FAM184A: variants seen among roughly 807,000 people sequenced by gnomAD.
The protein encoded by FAM184A is protein FAM184A.
In FAM184A, 99 loss-of-function variants were observed where a neutral mutation model predicts 143.8. The ratio of observed to expected loss-of-function variants is 0.69; its 90% CI spans 0.58 to 0.81. The LOEUF (loss-of-function observed/expected upper bound fraction) is 0.81, where lower values mean the gene tolerates loss of function less well. Among genes scored for constraint, FAM184A ranks in the 40% least tolerant of loss-of-function variants. The pLI is 0.00. For synonymous variants in FAM184A, 427 were observed against 446.4 expected, an observed-to-expected ratio of 0.96 and a Z score of 0.55; for missense variants, 1,217 against 1,310.5, an observed-to-expected ratio of 0.93 and a Z score of 1.10.
chr6:119,092,616 G>A (rs1221073028), intron 1 of FAM184A, among the ~76,000 whole-genome samples: 1 of 152,116 alleles, frequency 6.6e-6, no homozygotes, highest in African/African-American at 2.4e-5. Flanking sequence ...CTCAGATCCT[G>A]TATCTAACAG....
At chr6:119,094,705 A>C (rs1788459151) in intron 1 of FAM184A, among the ~76,000 whole-genome samples, 1 of 152,102 alleles carries the variant, frequency 6.6e-6, no homozygotes, top group South Asian at 2.1e-4. Flanking sequence ...TTATTTGCAA[A>C]ATGACTCCAG....
At position 118,976,000 on chromosome 6, in the gene FAM184A, C is replaced by T. The variant is rs1332693664; in HGVS notation, c.2500G>A (p.Asp834Asn). The change falls in exon 12 of 18, where the codon GAT becomes AAT. Residue 834 changes from aspartate (D) to asparagine (N), a missense_variant. Asp to Asn is a conservative substitution (Grantham distance 23). Transcript: ENST00000338891. ...TGATGATGATTATGCCGTAACAAAT[C>T]AATTGCAGCTGCATGTTGATGGTTG... is the stretch of plus-strand genomic sequence containing the variant. Reference protein sequence around the residue: ...ELNHQHAAAIDLLRHNHHQEL... With the variant: ...ELNHQHAAAINLLRHNHHQEL... 2 of 1,613,140 alleles carry T rather than the reference C, an allele frequency of 1.2e-6. No individual in the cohort carries two copies. Among genetic ancestry groups the T allele is most frequent in the African/African-American group, 2.7e-5 (2 of 74,882 alleles).
At chr6:118,979,251 A>G (rs1236991701) in intron 11 of FAM184A, 114 bp downstream of exon 11, 1 of 971,332 alleles carries the variant, frequency 1.0e-6, no homozygotes, top group South Asian at 1.7e-5. Flanking sequence ...ACACTTAGAT[A>G]TTCATTTTGA....
rs201528290 is a variant in FAM184A at position 119,046,226 on chromosome 6, C to CT, written c.160-21414dup. ...TGTGGTCATGATAGAAAATGTATACCTTTTTTTTTTTTTTTGAGACAGAGT... is the reference window on the plus strand; with the variant it reads ...TGTGGTCATGATAGAAAATGTATACCTTTTTTTTTTTTTTTTGAGACAGAGT... On this transcript the variant is annotated intron_variant, in intron 1 of 17. Coordinates refer to ENST00000338891, the MANE Select transcript of FAM184A (RefSeq NM_024581.6). Among the ~76,000 whole-genome samples, 345 of 142,270 alleles carry CT rather than the reference C, an allele frequency of 2.4e-3. 1 individual carries two copies. Among genetic ancestry groups the CT allele is most frequent in the Middle Eastern group, 7.0e-3 (2 of 284 alleles). 93.3% of individuals were successfully genotyped at this position (142,270 alleles called of 152,430 possible).
intron 1 of FAM184A, among the ~76,000 whole-genome samples, chr6:119,050,060 A>C (rs1463669553): frequency 6.6e-6 from 1 of 152,162 alleles, no homozygotes; most frequent in African/African-American, 2.4e-5. Context: ...CATGCAGTGA[A>C]CCAGCATACG....
intron 1 of FAM184A, among the ~76,000 whole-genome samples, chr6:119,059,973 C>A (rs1382579554): frequency 6.6e-6 from 1 of 152,120 alleles, no homozygotes; most frequent in Non-Finnish European, 1.5e-5. Context: ...TTATAACTTG[C>A]CACTCCATTT....
At chr6:119,009,128 G>C (rs1254210466) in intron 6 of FAM184A, among the ~76,000 whole-genome samples, 1 of 152,152 alleles carries the variant, frequency 6.6e-6, no homozygotes, top group African/African-American at 2.4e-5. Context: ...ACTGCACAGG[G>C]TTGCTGTGAG....
intron 9 of FAM184A, among the ~76,000 whole-genome samples, chr6:118,996,182 G>C (rs1376776248): frequency 6.6e-6 from 1 of 152,110 alleles, no homozygotes; most frequent in East Asian, 1.9e-4. Context: ...AAACAATTTA[G>C]CATCATTTAT....
chr6:119,024,618 T>C lies in FAM184A; in HGVS notation c.355A>G (p.Ile119Val), dbSNP rs1483591399. The C allele has an allele frequency of 9.3e-6, 15 of 1,614,062 alleles. No homozygotes were observed. Among genetic ancestry groups the C allele is most frequent in the Non-Finnish European group, 1.3e-5 (15 of 1,180,042 alleles). The change falls in exon 2 of 18, where the codon ATA becomes GTA. Residue 119 changes from isoleucine (I) to valine (V), a missense_variant. Physicochemically the swap from Ile to Val is conservative, Grantham distance 29. Transcript: ENST00000338891. ...QVLESSLEDHIKMKQQALTEF... is the reference protein window; with the variant it reads ...QVLESSLEDHVKMKQQALTEF... ...GTCAAAGCCTGCTGCTTCATTTTTA[T>C]GTGATCTTCTAATGATGATTCTAAA...
intron 1 of FAM184A, among the ~76,000 whole-genome samples, chr6:119,117,131 A>G (rs145797476): frequency 1.4e-3 from 215 of 152,360 alleles, no homozygotes; most frequent in African/African-American, 5.1e-3. Context: ...CTAGGAGGAC[A>G]TTAACCAAGG....
chr6:118,992,268 G>T (rs1784403668), intron 9 of FAM184A, among the ~76,000 whole-genome samples: 1 of 152,116 alleles, frequency 6.6e-6, no homozygotes, highest in African/African-American at 2.4e-5. Context: ...TAGGATTAAA[G>T]GATTACATGG....
intron 1 of FAM184A, among the ~76,000 whole-genome samples, chr6:119,058,350 G>A (rs567666289): frequency 2.0e-5 from 3 of 151,786 alleles, no homozygotes; most frequent in Admixed American, 6.6e-5. Flanking sequence ...ACAGGTGTGC[G>A]CCACCACATC....
At chr6:118,977,374 G>A (rs1324010275) in intron 11 of FAM184A, among the ~76,000 whole-genome samples, 1 of 152,154 alleles carries the variant, frequency 6.6e-6, no homozygotes, top group Non-Finnish European at 1.5e-5. Context: ...TTGAGGCCTG[G>A]AGTTTGAGAC....
At chr6:119,063,832 A>C (rs1787344901) in intron 1 of FAM184A, among the ~76,000 whole-genome samples, 1 of 152,156 alleles carries the variant, frequency 6.6e-6, no homozygotes, top group African/African-American at 2.4e-5. Flanking sequence ...TCATACTAAT[A>C]AACCAGCCTC....
chr6:119,107,108 CTT>C (rs937691837), intron 1 of FAM184A, among the ~76,000 whole-genome samples: 6 of 152,142 alleles, frequency 3.9e-5, no homozygotes, highest in Non-Finnish European at 8.8e-5. Flanking sequence ...AGAAATACCA[CTT>C]AATGTGTAGT....
intron 1 of FAM184A, among the ~76,000 whole-genome samples, chr6:119,138,505 G>T (rs772647438): frequency 9.9e-5 from 15 of 152,132 alleles, no homozygotes; most frequent in Non-Finnish European, 1.6e-4. Context: ...GCACATGGCT[G>T]CCCTCCATCC....
At chr6:118,968,614 A>G (rs1049891625) in intron 14 of FAM184A, among the ~76,000 whole-genome samples, 2 of 152,392 alleles carry the variant, frequency 1.3e-5, no homozygotes, top group South Asian at 4.1e-4. Flanking sequence ...AGAAACCACA[A>G]GAGGTCACTG....
At chr6:119,038,602 T>C (rs986399829) in intron 1 of FAM184A, among the ~76,000 whole-genome samples, 6 of 152,154 alleles carry the variant, frequency 3.9e-5, no homozygotes, top group Middle Eastern at 3.2e-3. Flanking sequence ...AGAGGAGGCA[T>C]AAATAATCCA....
At chr6:119,021,291 C>A (rs958034465) in intron 3 of FAM184A, among the ~76,000 whole-genome samples, 1 of 152,174 alleles carries the variant, frequency 6.6e-6, no homozygotes, top group African/African-American at 2.4e-5. Context: ...GCTCAAACAG[C>A]CTTCCTGGGC....
Sources: gnomAD v4.1 joint callset for allele counts (sites outside exome capture counted in the v4.1 genomes callset) on GRCh38, gnomAD v4.1.1 for gene constraint, MANE v1.5 for transcripts, NCBI Gene and HGNC (gene_info 2026-07-23, HGNC 2026-07-21) for gene names.